Variants in AGO1 observed in about 807,000 individuals in gnomAD.
AGO1 encodes the protein protein argonaute-1.
Under a neutral mutation model 109.2 loss-of-function variants are expected in AGO1, and 11 were observed. That is an observed-to-expected ratio of 0.10 (90% CI 0.06 to 0.17). The LOEUF is 0.17. Ranked by LOEUF, AGO1 falls within the 10% of genes least tolerant of loss-of-function variation. The pLI is 1.00. For missense variants in AGO1, 574 were observed against 1,140.3 expected (o/e 0.50, Z 7.15); for synonymous variants, 422 against 418.6 (o/e 1.01, Z -0.10).
At chr1:35,876,579 A>T (rs370766073) in intron 1 of AGO1, among the ~76,000 whole-genome samples, 20 of 152,060 alleles carry the variant, frequency 1.3e-4, no homozygotes, top group African/African-American at 4.8e-4. Flanking sequence ...AATCCTTCTT[A>T]TGGATGAACA....
rs1646012268 is a variant in AGO1, at chr1:35,930,337, T to C, written c.*10730T>C. 6.6e-6 allele frequency: 1 copy of C among 151,904 alleles called. No homozygotes were observed. Among genetic ancestry groups the C allele is most frequent in the Non-Finnish European group, 1.5e-5 (1 of 67,974 alleles). The allele number at this position is 151,904 out of a possible 1,614,324, so 9.4% of individuals were successfully genotyped here. A position where few individuals can be genotyped will look rare whatever the true frequency, so the allele number is the denominator to read the frequency against. On this transcript the variant is annotated 3_prime_UTR_variant, in exon 19 of 19. Transcript: ENST00000373204. ...GGAGGGTGGAGAAGAGAGAGAGGGT[T>C]CCTGGCCAAGGGAACCAAAAGCAGA...
intron 2 of AGO1, among the ~76,000 whole-genome samples, chr1:35,891,717 A>G (rs138027016): frequency 3.5e-4 from 53 of 151,840 alleles, no homozygotes; most frequent in African/African-American, 1.2e-3. Flanking sequence ...GGCACACACC[A>G]CCTTGCCTGA....
chr1:35,928,469 T>G lies in AGO1; in HGVS notation c.*8862T>G, dbSNP rs1645972514. ...CTAATTAAAAAAAAAATTTTTTTTG[T>G]AGCAGTTCGGTCTCATTAGTATTGC... On this transcript the variant is annotated 3_prime_UTR_variant, in exon 19 of 19. Transcript: ENST00000373204. The G allele has an allele frequency of 6.6e-6, 1 of 152,176 alleles. No individual in the cohort carries two copies. The highest frequency in any genetic ancestry group is 2.1e-4 in the South Asian group (1 of 4,834). The allele number at this position is 152,176 out of a possible 1,614,324, so 9.4% of individuals were successfully genotyped here. A position where few individuals can be genotyped will look rare whatever the true frequency, so the allele number is the denominator to read the frequency against.
rs182528942 is a variant in AGO1, at chr1:35,874,965, G to A, written c.-201+5062G>A. 4.2e-3 allele frequency among the ~76,000 whole-genome samples: 642 copies of A among 152,318 alleles called. 3 individuals carry two copies. Among genetic ancestry groups the A allele is most frequent in the Non-Finnish European group, 7.2e-3 (493 of 68,020 alleles). Reference sequence around the variant, plus strand: ...TGCCAACAGAGGTAAGGTAGCTATAGAAGAAAAGTTTGAAGCTAGTAGAGA... The same window carrying A: ...TGCCAACAGAGGTAAGGTAGCTATAAAAGAAAAGTTTGAAGCTAGTAGAGA... On this transcript the variant is annotated intron_variant, in intron 1 of 18. Transcript: ENST00000373206.
At position 35,929,937 on chromosome 1, in the gene AGO1, A is replaced by C. The variant is rs1461969099; in HGVS notation, c.*10330A>C. ...CCAGAGAGATCAAGTGACTGATCCA[A>C]AGTCCCACAGTGAGGGGAACTGAAG... On this transcript the variant is annotated 3_prime_UTR_variant, in exon 19 of 19. Coordinates refer to ENST00000373204, the MANE Select transcript of AGO1 (RefSeq NM_012199.5). The C allele has an allele frequency of 6.6e-6, 1 of 152,178 alleles. No individual in the cohort carries two copies. The highest frequency in any genetic ancestry group is 1.5e-5 in the Non-Finnish European group (1 of 68,024). The allele number at this position is 152,178 out of a possible 1,614,324, so 9.4% of individuals were successfully genotyped here.
At chr1:35,889,953 G>C (rs1180776182) in intron 2 of AGO1, among the ~76,000 whole-genome samples, 2 of 150,604 alleles carry the variant, frequency 1.3e-5, no homozygotes, top group African/African-American at 4.9e-5. Flanking sequence ...AACCTCAGAT[G>C]ATCTGCCTAC....
At chr1:35,871,582 AT>A (rs993551730) in intron 1 of AGO1, among the ~76,000 whole-genome samples, 2 of 129,562 alleles carry the variant, frequency 1.5e-5, no homozygotes, top group African/African-American at 3.7e-5. Context: ...TAAAAACATG[AT>A]TTTTAGTCTG....
Position 35,883,564 on chromosome 1 carries a change from A to T in AGO1, c.25+118A>T. The T allele has an allele frequency of 7.3e-7, 1 of 1,375,588 alleles. No individual in the cohort carries two copies. Among genetic ancestry groups the T allele is most frequent in the Non-Finnish European group, 9.5e-7 (1 of 1,054,982 alleles). 85.2% of individuals were successfully genotyped at this position (1,375,588 alleles called of 1,614,324 possible). ...GAGTGAGGAGAAGGGCTCTCCCACG[A>T]TGGGGGCCCAGTTTGAAGGAGGCTG... On this transcript the variant is annotated intron_variant, in intron 1 of 18. Transcript: ENST00000373204. The surrounding 1 kb of genome is among the most constrained non-coding windows in gnomAD (Gnocchi z 5.4).
chr1:35,901,982 T>A lies in AGO1; in HGVS notation c.1175T>A (p.Ile392Asn). 6.2e-7 allele frequency: 1 copy of A among 1,609,108 alleles called. No homozygotes were observed. Among genetic ancestry groups the A allele is most frequent in the Non-Finnish European group, 8.5e-7 (1 of 1,177,632 alleles). ...KNASYNLDPYIQEFGIKVKDD... is the reference protein window; with the variant it reads ...KNASYNLDPYNQEFGIKVKDD... ...GCCAGCTACAACTTAGATCCCTACA[T>A]CCAGGAATTTGGGATCAAAGTGAAG... The change falls in exon 10 of 19, where the codon ATC becomes AAC. Residue 392 changes from isoleucine (I) to asparagine (N), a missense_variant. By Grantham distance (149) the Ile-to-Asn change is moderately radical. Transcript: ENST00000373204. The surrounding 1 kb of genome is among the most constrained non-coding windows in gnomAD (Gnocchi z 4.8).
intron 1 of AGO1, among the ~76,000 whole-genome samples, chr1:35,885,329 G>A (rs1007680420): frequency 1.3e-5 from 2 of 152,286 alleles, no homozygotes; most frequent in Admixed American, 1.3e-4. Context: ...ATTCCTAATA[G>A]GCTCTGGAGT....
chr1:35,929,726 T>G lies in AGO1; in HGVS notation c.*10119T>G, dbSNP rs1423500069. 6.6e-6 allele frequency: 1 copy of G among 152,240 alleles called. No homozygotes were observed. The highest frequency in any genetic ancestry group is 1.5e-5 in the Non-Finnish European group (1 of 68,046). 9.4% of individuals were successfully genotyped at this position (152,240 alleles called of 1,614,324 possible). On this transcript the variant is annotated 3_prime_UTR_variant, in exon 19 of 19. Coordinates refer to ENST00000373204, the MANE Select transcript of AGO1 (RefSeq NM_012199.5). ...TAAGAATTGGAGTCAGATGTGGTTTTGAGTCCCATACATTTATTGTTTAAT... is the reference window on the plus strand; with the variant it reads ...TAAGAATTGGAGTCAGATGTGGTTTGGAGTCCCATACATTTATTGTTTAAT...
chr1:35,908,895 C>A (rs749248151), intron 12 of AGO1, among the ~76,000 whole-genome samples: 1 of 150,762 alleles, frequency 6.6e-6, no homozygotes, highest in Non-Finnish European at 1.5e-5. Context: ...CTCAGCTCAC[C>A]GCAACCTCCA....
In AGO1 at chr1:35,888,448, C is replaced by A; in HGVS notation, c.47C>A (p.Pro16His). The A allele has an allele frequency of 1.2e-6, 2 of 1,614,144 alleles. No individual in the cohort carries two copies. Among genetic ancestry groups the A allele is most frequent in the Non-Finnish European group, 1.7e-6 (2 of 1,179,996 alleles). ...SGAAAGAYLP[P>H]LQQVFQAPRR... ...GTAGCTGCGGGCGCTTACCTGCCCC[C>A]CCTGCAGCAGGTGTTCCAGGCACCT... Residue 16 changes from proline (P) to histidine (H), a missense_variant, in exon 2 of 19, where the codon CCC (proline) becomes CAC (histidine). Physicochemically the swap from Pro to His is moderately conservative, Grantham distance 77 (BLOSUM62 -2). Around this residue, in one of 8 missense-constraint regions of AGO1, gnomAD observed 89 missense variants for 109.6 expected, o/e 0.81. Transcript: ENST00000373204. The surrounding 1 kb of genome is among the most constrained non-coding windows in gnomAD (Gnocchi z 4.1).
intron 8 of AGO1, 134 bp downstream of exon 8, chr1:35,895,403 A>C: frequency 1.0e-6 from 1 of 982,714 alleles, no homozygotes; most frequent in East Asian, 3.0e-5. Flanking sequence ...CTCCTGTGAA[A>C]TAGAGGCCTC....
At position 35,928,905 on chromosome 1, in the gene AGO1, ATTTC is replaced by A. The variant is rs1246563466; in HGVS notation, c.*9305_*9308del. 2.6e-5 allele frequency: 4 copies of A among 152,186 alleles called. No homozygotes were observed. Among genetic ancestry groups the A allele is most frequent in the Admixed American group, 6.5e-5 (1 of 15,298 alleles). The allele number at this position is 152,186 out of a possible 1,614,324, so 9.4% of individuals were successfully genotyped here. A position where few individuals can be genotyped will look rare whatever the true frequency, so the allele number is the denominator to read the frequency against. On this transcript the variant is annotated 3_prime_UTR_variant, in exon 19 of 19. Coordinates refer to ENST00000373204, the MANE Select transcript of AGO1 (RefSeq NM_012199.5). ...ACCTGAGATTTTGTACTATTTCTGT[ATTTC>A]TTTCTTCTCAGAACAACCAGTGTCA...
chr1:35,874,093 C>G (rs948017849), intron 1 of AGO1, among the ~76,000 whole-genome samples: 1 of 152,168 alleles, frequency 6.6e-6, no homozygotes, highest in Admixed American at 6.5e-5. Context: ...TGTGATGTTA[C>G]TATTGCAATT....
intron 12 of AGO1, among the ~76,000 whole-genome samples, chr1:35,910,520 CCAGT>C (rs1387251669): frequency 6.6e-6 from 1 of 152,068 alleles, no homozygotes; most frequent in Non-Finnish European, 1.5e-5. Context: ...TACCACAGCC[CCAGT>C]CACTACAACC....
At chr1:35,889,829 C>T (rs932675069) in intron 2 of AGO1, among the ~76,000 whole-genome samples, 3 of 151,696 alleles carry the variant, frequency 2.0e-5, no homozygotes, top group African/African-American at 7.3e-5. Context: ...TCTCCTGCCT[C>T]AGCCTCCTGA....
In AGO1 at chr1:35,926,124, C is replaced by T. The variant is rs987884081; in HGVS notation, c.*6517C>T. On this transcript the variant is annotated 3_prime_UTR_variant, in exon 19 of 19. Transcript: ENST00000373204. ...GAAATAAGACATAAATTTATGACTC[C>T]GAGTGAGGCAGAAATAAAGAACTTA... The T allele has an allele frequency of 3.9e-5, 6 of 152,048 alleles. No homozygotes were observed. Among genetic ancestry groups the T allele is most frequent in the African/African-American group, 9.7e-5 (4 of 41,370 alleles). 9.4% of individuals were successfully genotyped at this position (152,048 alleles called of 1,614,324 possible). A position where few individuals can be genotyped will look rare whatever the true frequency, so the allele number is the denominator to read the frequency against.
Sources: allele counts gnomAD v4.1 joint callset (sites outside exome capture counted in the v4.1 genomes callset), GRCh38; gene constraint gnomAD v4.1.1; regional missense constraint gnomAD v4.1.1; non-coding constraint Gnocchi (gnomAD v3.1); transcripts MANE v1.5; gene names NCBI Gene and HGNC (gene_info 2026-07-23, HGNC 2026-07-21).